VPS13C: variants seen among roughly 807,000 people sequenced by gnomAD.
VPS13C encodes the protein intermembrane lipid transfer protein VPS13C.
In VPS13C, 358 loss-of-function variants were observed where a neutral mutation model predicts 456.8. That is an observed-to-expected ratio of 0.78 (90% CI 0.72 to 0.86). The LOEUF is 0.86. VPS13C is among the 40% of genes least tolerant of loss of function. The pLI, the probability that VPS13C is intolerant of heterozygous loss-of-function variation, is 0.00. For synonymous variants in VPS13C, 1,578 were observed against 1,486.7 expected (o/e 1.06, Z -1.41); for missense variants, 4,818 against 4,385.4 (o/e 1.10, Z -2.79).
At position 61,854,406 on chromosome 15, in the gene VPS13C, A is replaced by G; in HGVS notation, c.*51T>C. 2 of 1,501,006 alleles carry G rather than the reference A, an allele frequency of 1.3e-6. No individual in the cohort carries two copies. The highest frequency in any genetic ancestry group is 9.3e-7 in the Non-Finnish European group (1 of 1,076,866). The allele number at this position is 1,501,006 out of a possible 1,614,324, so 93.0% of individuals were successfully genotyped here. On this transcript the variant is annotated 3_prime_UTR_variant, in exon 85 of 85. Coordinates refer to ENST00000644861, the MANE Select transcript of VPS13C (RefSeq NM_020821.3). ...CAAGATAAAGCAGAGTGACTTATAG[A>G]CAAGACCAGTGATTGTTTTTTCTCC...
At chr15:61,994,400 C>T (rs1327695192) in intron 16 of VPS13C, among the ~76,000 whole-genome samples, 1 of 152,102 alleles carries the variant, frequency 6.6e-6, no homozygotes, top group East Asian at 1.9e-4. Context: ...GTAGCAAATA[C>T]CTTTTAAAAT....
chr15:62,035,451 C>T lies in VPS13C; in HGVS notation c.188-399G>A, dbSNP rs567791984. Among the ~76,000 whole-genome samples, 9 of 151,988 alleles carry T rather than the reference C, an allele frequency of 5.9e-5. No homozygotes were observed. In the South Asian group the frequency reaches 1.7e-3, roughly 28 times the overall value. ...ATTAGTAAGGATGCTGGACCAGATT[C>T]GGTGCACAACAACAGTTGATAGTCT... On this transcript the variant is annotated intron_variant, in intron 3 of 84. Transcript: ENST00000644861.
intron 1 of VPS13C, among the ~76,000 whole-genome samples, chr15:62,057,366 T>C (rs2140817488): frequency 6.6e-6 from 1 of 152,322 alleles, no homozygotes; most frequent in East Asian, 1.9e-4. Context: ...CCCATTTGTT[T>C]ACCCAAAAAA....
At chr15:61,991,556 T>A in intron 17 of VPS13C, 117 bp downstream of exon 17, 1 of 1,175,366 alleles carries the variant, frequency 8.5e-7, no homozygotes, top group South Asian at 2.1e-5. Flanking sequence ...ATATTTACTA[T>A]ACTGAGGTAA....
chr15:61,913,962 G>A (rs1282411350), intron 61 of VPS13C, among the ~76,000 whole-genome samples: 1 of 152,040 alleles, frequency 6.6e-6, no homozygotes, highest in Non-Finnish European at 1.5e-5. Flanking sequence ...AACCATACAA[G>A]AGGCAAAAAA....
intron 41 of VPS13C, 83 bp from the exon 42 acceptor site, chr15:61,949,688 A>G (rs1380268594): frequency 7.3e-7 from 1 of 1,361,556 alleles, no homozygotes; most frequent in African/African-American, 1.5e-5. Flanking sequence ...AAGTAGCACA[A>G]GAACAGTTCA....
chr15:62,020,445 GT>G (rs746986427), intron 9 of VPS13C, 33 bp downstream of exon 9: 1 of 1,577,414 alleles, frequency 6.3e-7, no homozygotes. Context: ...TACTTTACAG[GT>G]TCCATAGAAG....
At chr15:61,933,740 T>C (rs1197740061) in intron 49 of VPS13C, among the ~76,000 whole-genome samples, 2 of 152,124 alleles carry the variant, frequency 1.3e-5, no homozygotes, top group Admixed American at 1.3e-4. Context: ...CTTTAATTAG[T>C]ATCCTTAATA....
In VPS13C at chr15:61,872,052, C is replaced by A. The variant is rs986563611; in HGVS notation, c.10579-18G>T. ...ACAACTCCCTGAAAGAGAAATCAAT[C>A]ATATAGTTTAGACTGAATGGAAGGT... On this transcript the variant is annotated intron_variant, in intron 78 of 84. Transcript: ENST00000644861. The A allele has an allele frequency of 2.5e-6, 4 of 1,611,238 alleles. No individual in the cohort carries two copies. Among genetic ancestry groups the A allele is most frequent in the Non-Finnish European group, 2.5e-6 (3 of 1,178,162 alleles).
chr15:61,890,365 G>T lies in VPS13C; in HGVS notation c.9141C>A (p.Ile3047=), dbSNP rs747660393. The change falls in exon 67 of 85, where the codon ATC becomes ATA. Residue 3047 remains isoleucine (I), a synonymous_variant. Transcript: ENST00000644861. ...GCGQFPYDAN[I]QIHWVSFLDG... is the part of the protein sequence containing the mutation. ...CCAGAAATGATACCCAGTGTATCTG[G>T]ATGTTTGCATCATATGGAAACTGTC... is the stretch of plus-strand genomic sequence containing the variant. 1.9e-6 allele frequency: 3 copies of T among 1,613,996 alleles called. No homozygotes were observed. Among genetic ancestry groups the T allele is most frequent in the South Asian group, 2.2e-5 (2 of 91,056 alleles).
intron 82 of VPS13C, among the ~76,000 whole-genome samples, chr15:61,857,251 C>G (rs924372741): frequency 6.6e-6 from 1 of 152,076 alleles, no homozygotes; most frequent in African/African-American, 2.4e-5. Context: ...AACGCTACAG[C>G]ACAATTAGAC....
In VPS13C at chr15:61,941,876, A is replaced by T. The variant is rs1337829956; in HGVS notation, c.5340T>A (p.Asp1780Glu). Residue 1780 changes from aspartate (D) to glutamate (E), a missense_variant, in exon 46 of 85, where the codon GAT becomes GAA. Physicochemically the swap from Asp to Glu is conservative, Grantham distance 45 (BLOSUM62 2). Around this residue, in one of 3 missense-constraint regions of VPS13C, gnomAD observed 4,552 missense variants for 4,130.6 expected, o/e 1.10. Coordinates refer to ENST00000644861, the MANE Select transcript of VPS13C (RefSeq NM_020821.3). Reference protein sequence around the residue: ...SSVSPNAVIADLGLIRVENKF... With the variant: ...SSVSPNAVIAELGLIRVENKF... ...TGTTTTCAACTCTGATTAAACCCAGATCTGCTATAACAGCATTAGGTGATA... is the reference window on the plus strand; with the variant it reads ...TGTTTTCAACTCTGATTAAACCCAGTTCTGCTATAACAGCATTAGGTGATA... 3.7e-6 allele frequency: 6 copies of T among 1,613,944 alleles called. No homozygotes were observed. The highest frequency in any genetic ancestry group is 4.2e-6 in the Non-Finnish European group (5 of 1,179,942).
At chr15:61,945,423 C>G (rs1341563507) in intron 45 of VPS13C, among the ~76,000 whole-genome samples, 1 of 152,124 alleles carries the variant, frequency 6.6e-6, no homozygotes. Flanking sequence ...TTAAATATAT[C>G]TCATTAAACA....
At position 62,060,399 on chromosome 15, in the gene VPS13C, G is replaced by A. The variant is rs372082432; in HGVS notation, c.-25C>T. 48 of 1,367,654 alleles carry A rather than the reference G, an allele frequency of 3.5e-5. No homozygotes were observed. The African/African-American group carries it at 5.4e-4, about 15-fold the overall frequency. 84.7% of individuals were successfully genotyped at this position (1,367,654 alleles called of 1,614,324 possible). ...TGGTGGCGCTGAGGCACAAGGAGAGGGAGGAGCCGGAACCGCCCGGCGCAG... is the reference window on the plus strand; with the variant it reads ...TGGTGGCGCTGAGGCACAAGGAGAGAGAGGAGCCGGAACCGCCCGGCGCAG... On this transcript the variant is annotated 5_prime_UTR_variant, in exon 1 of 85. Coordinates refer to ENST00000644861, the MANE Select transcript of VPS13C (RefSeq NM_020821.3).
intron 78 of VPS13C, among the ~76,000 whole-genome samples, 176 bp downstream of exon 78, chr15:61,873,070 T>A (rs558101255): frequency 1.1e-4 from 17 of 152,022 alleles, no homozygotes; most frequent in Non-Finnish European, 2.2e-4. Flanking sequence ...AGGGGATAGA[T>A]CTGGTGGTGA....
chr15:61,881,866 T>TA, intron 69 of VPS13C, 38 bp from the exon 70 acceptor site: 1 of 1,536,384 alleles, frequency 6.5e-7, no homozygotes, highest in Non-Finnish European at 8.7e-7. Context: ...AGATTTCAAA[T>TA]AATTTAAACT....
At chr15:61,909,257 G>C (rs1190568515) in intron 64 of VPS13C, 132 bp from the exon 65 acceptor site, 5 of 1,116,640 alleles carry the variant, frequency 4.5e-6, no homozygotes, top group Non-Finnish European at 6.3e-6. Flanking sequence ...ACCCAGGCTG[G>C]AGTACAGTGG....
chr15:62,038,434 C>T (rs11634163), intron 3 of VPS13C, among the ~76,000 whole-genome samples: 46,746 of 151,666 alleles, frequency 0.31, 8,424 homozygotes, highest in Non-Finnish European at 0.39. Flanking sequence ...ACAAAAAATA[C>T]AAATATGAGC....
chr15:62,019,132 A>G (rs2047365913), intron 9 of VPS13C, among the ~76,000 whole-genome samples: 1 of 151,860 alleles, frequency 6.6e-6, no homozygotes, highest in South Asian at 2.1e-4. Context: ...ATCGGTGGTG[A>G]TATCCCCTTT....
Sources: allele counts gnomAD v4.1 joint callset (sites outside exome capture counted in the v4.1 genomes callset), GRCh38; gene constraint gnomAD v4.1.1; regional missense constraint gnomAD v4.1.1; transcripts MANE v1.5; gene names NCBI Gene and HGNC (gene_info 2026-07-23, HGNC 2026-07-21).